The following DNAAF9 variants were observed in gnomAD, a reference collection of about 807,000 sequenced individuals.
DNAAF9 encodes the protein dynein axonemal assembly factor 9.
Under a neutral mutation model 167.0 loss-of-function variants are expected in DNAAF9, and 90 were observed. That is an observed-to-expected ratio of 0.54 (90% CI 0.45 to 0.64). The LOEUF (loss-of-function observed/expected upper bound fraction) is 0.64. Among genes scored for constraint, DNAAF9 ranks in the 30% least tolerant of loss-of-function variants. The pLI is 0.00. For missense variants in DNAAF9, 1,315 were observed against 1,442.2 expected, an observed-to-expected ratio of 0.91 and a Z score of 1.43; for synonymous variants, 491 against 508.8, an observed-to-expected ratio of 0.96 and a Z score of 0.47.
At chr20:3,367,625 GC>G (rs2083447225) in intron 6 of DNAAF9, among the ~76,000 whole-genome samples, 1 of 151,862 alleles carries the variant, frequency 6.6e-6, no homozygotes, top group African/African-American at 2.4e-5. Flanking sequence ...TCAGGATAAA[GC>G]AAAAAACGAG....
chr20:3,278,550 C>T (rs1309094943), intron 29 of DNAAF9, among the ~76,000 whole-genome samples: 1 of 152,120 alleles, frequency 6.6e-6, no homozygotes, highest in African/African-American at 2.4e-5. Context: ...GAAACCCCAT[C>T]TCTACTAAAA....
At chr20:3,256,518 T>A (rs1323818336) in intron 33 of DNAAF9, among the ~76,000 whole-genome samples, 1 of 151,938 alleles carries the variant, frequency 6.6e-6, no homozygotes, top group African/African-American at 2.4e-5. Flanking sequence ...TTTTGTTTTG[T>A]TTTTTAAAAA....
chr20:3,369,417 C>T (rs2083479858), intron 6 of DNAAF9, among the ~76,000 whole-genome samples: 1 of 151,556 alleles, frequency 6.6e-6, no homozygotes, highest in Admixed American at 6.6e-5. Context: ...CGCTCTTTCG[C>T]CCAGGCTGGA....
chr20:3,294,778 T>TTA (rs2069034757), intron 23 of DNAAF9, 149 bp from the exon 24 acceptor site: 1 of 601,142 alleles, frequency 1.7e-6, no homozygotes, highest in Non-Finnish European at 3.0e-6. Flanking sequence ...AAATGAGGTG[T>TTA]TAGTGCATGA....
At position 3,341,134 on chromosome 20, in the gene DNAAF9, C is replaced by G. The variant is rs561269710; in HGVS notation, c.846-495G>C. ...CACATACCTGGCTCTGTACCCACCC[C>G]CTTCCTCCCTGTCCTCTTGGCTGAA... On this transcript the variant is annotated intron_variant, in intron 9 of 36. Transcript: ENST00000252032. Among the ~76,000 whole-genome samples the G allele has an allele frequency of 2.0e-4, 30 of 152,164 alleles. 1 individual carries two copies. The East Asian group carries it at 4.6e-3, about 24-fold the overall frequency.
At chr20:3,254,730 G>A (rs1190927860) in intron 35 of DNAAF9, among the ~76,000 whole-genome samples, 1 of 152,180 alleles carries the variant, frequency 6.6e-6, no homozygotes, top group African/African-American at 2.4e-5. Flanking sequence ...AAACCCCTCA[G>A]GAAAAGGCCC....
At chr20:3,340,680 C>T (rs763208791) in intron 9 of DNAAF9, 41 bp from the exon 10 acceptor site, 2 of 1,607,810 alleles carry the variant, frequency 1.2e-6, no homozygotes, top group African/African-American at 2.7e-5. Context: ...GAAAAGAGTT[C>T]CTGGCCAAGG....
intron 1 of DNAAF9, among the ~76,000 whole-genome samples, chr20:3,397,113 G>A (rs1216676192): frequency 6.6e-6 from 1 of 152,004 alleles, no homozygotes; most frequent in Non-Finnish European, 1.5e-5. Context: ...CAGGTGTGGT[G>A]GCACACATCT....
chr20:3,359,231 C>G (rs1449537735), intron 7 of DNAAF9, among the ~76,000 whole-genome samples: 1 of 152,152 alleles, frequency 6.6e-6, no homozygotes, highest in Non-Finnish European at 1.5e-5. Context: ...TCCAGTCCAA[C>G]AGAAAGAATG....
At chr20:3,397,020 G>C (rs2083918045) in intron 1 of DNAAF9, among the ~76,000 whole-genome samples, 1 of 152,204 alleles carries the variant, frequency 6.6e-6, no homozygotes, top group African/African-American at 2.4e-5. Flanking sequence ...GTCAAGGCAG[G>C]CAGACTGCTT....
At chr20:3,301,431 G>A (rs186047947) in intron 21 of DNAAF9, among the ~76,000 whole-genome samples, 70 of 151,858 alleles carry the variant, frequency 4.6e-4, no homozygotes, top group African/African-American at 1.6e-3. Context: ...CAGGTGATCC[G>A]CCCTTCTTGG....
In DNAAF9 at chr20:3,315,798, G is replaced by A; in HGVS notation, c.1540-13C>T. ...CATTATCTTCCACCTGTGTCCAAAA[G>A]GAATGCAGATTTTCAGTCAACTACT... On this transcript the variant is annotated splice_polypyrimidine_tract_variant and intron_variant, in intron 18 of 36. Coordinates refer to ENST00000252032, the MANE Select transcript of DNAAF9 (RefSeq NM_001009984.3). The surrounding 1 kb of genome is among the most constrained non-coding windows in gnomAD (Gnocchi z 4.1). 3 of 1,611,138 alleles carry A rather than the reference G, an allele frequency of 1.9e-6. No individual in the cohort carries two copies. The highest frequency in any genetic ancestry group is 2.5e-6 in the Non-Finnish European group (3 of 1,177,272).
intron 3 of DNAAF9, among the ~76,000 whole-genome samples, chr20:3,379,951 G>C (rs2083625411): frequency 6.6e-6 from 1 of 152,132 alleles, no homozygotes; most frequent in African/African-American, 2.4e-5. Context: ...CCGGCTACTC[G>C]GGAGGCTGAG....
intron 9 of DNAAF9, among the ~76,000 whole-genome samples, chr20:3,341,428 C>T (rs1023622175): frequency 6.6e-5 from 10 of 152,254 alleles, no homozygotes; most frequent in Non-Finnish European, 1.5e-4. Context: ...ACCTGGTCTC[C>T]GAATAGTCCC....
At chr20:3,294,463 C>T (rs2069027210) in intron 24 of DNAAF9, 65 bp downstream of exon 24, 2 of 1,131,982 alleles carry the variant, frequency 1.8e-6, no homozygotes, top group Non-Finnish European at 2.7e-6. Context: ...AAAGGACCAA[C>T]ACTGAGGTTT....
In DNAAF9 at chr20:3,327,350, C is replaced by T. The variant is rs189465953; in HGVS notation, c.1101-1066G>A. 3.1e-4 allele frequency among the ~76,000 whole-genome samples: 47 copies of T among 152,196 alleles called. No individual in the cohort carries two copies. In the East Asian group the frequency reaches 8.3e-3, roughly 27 times the overall value. On this transcript the variant is annotated intron_variant, in intron 12 of 36. Coordinates refer to ENST00000252032, the MANE Select transcript of DNAAF9 (RefSeq NM_001009984.3). ...TAATCAAAAATTTCTCCAGACCCTG[C>T]CAAATGTTCCTGGGAGTGGGGAAAG...
chr20:3,368,748 G>A (rs2083466825), intron 6 of DNAAF9, among the ~76,000 whole-genome samples: 1 of 151,928 alleles, frequency 6.6e-6, no homozygotes, highest in Non-Finnish European at 1.5e-5. Context: ...TCGATCTCCT[G>A]ACCTCGTGAT....
chr20:3,268,681 A>G (rs2068531398), intron 30 of DNAAF9, among the ~76,000 whole-genome samples: 1 of 151,910 alleles, frequency 6.6e-6, no homozygotes, highest in Non-Finnish European at 1.5e-5. Flanking sequence ...CCTTTATTTA[A>G]TTTTTGAATA....
intron 6 of DNAAF9, among the ~76,000 whole-genome samples, 160 bp from the exon 7 acceptor site, chr20:3,359,753 T>C (rs1309624854): frequency 6.6e-6 from 1 of 152,234 alleles, no homozygotes; most frequent in Non-Finnish European, 1.5e-5. Flanking sequence ...TACATATTAA[T>C]AAATGTTTTA....
Sources: allele counts gnomAD v4.1 joint callset (sites outside exome capture counted in the v4.1 genomes callset), GRCh38; gene constraint gnomAD v4.1.1; non-coding constraint Gnocchi (gnomAD v3.1); transcripts MANE v1.5; gene names NCBI Gene and HGNC (gene_info 2026-07-23, HGNC 2026-07-21).